The following KCNH4 variants were observed in gnomAD, a reference collection of about 807,000 sequenced individuals.
The protein encoded by KCNH4 is potassium voltage-gated channel subfamily H member 4.
A neutral mutation model predicts 90.7 loss-of-function variants in KCNH4; 33 were observed. That is an observed-to-expected ratio of 0.36 (90% CI 0.28 to 0.49). KCNH4 has a LOEUF of 0.49. KCNH4 is among the 20% of genes least tolerant of loss of function. The pLI is 0.98. For missense variants in KCNH4, 1,044 were observed against 1,387.1 expected, an observed-to-expected ratio of 0.75 and a Z score of 3.93; for synonymous variants, 551 against 581.7, an observed-to-expected ratio of 0.95 and a Z score of 0.76.
rs2079861688 is a variant in KCNH4, at chr17:42,176,359, G to A, written c.586-62C>T. The A allele has an allele frequency of 2.0e-6, 3 of 1,476,724 alleles. No homozygotes were observed. The African/African-American group carries it at 4.2e-5, about 20-fold the overall frequency. The allele number at this position is 1,476,724 out of a possible 1,614,324, so 91.5% of individuals were successfully genotyped here. A position where few individuals can be genotyped will look rare whatever the true frequency, so the allele number is the denominator to read the frequency against. On this transcript the variant is annotated intron_variant, in intron 4 of 16. Coordinates refer to ENST00000264661, the MANE Select transcript of KCNH4 (RefSeq NM_012285.3). ...GGAAAGAGGAGCCAAGATGGGGGGTGGGAAAGGCAGGGGATGGGGAAAGTT... is the reference window on the plus strand; with the variant it reads ...GGAAAGAGGAGCCAAGATGGGGGGTAGGAAAGGCAGGGGATGGGGAAAGTT...
intron 16 of KCNH4, among the ~76,000 whole-genome samples, chr17:42,158,530 CA>C (rs554370674): frequency 1.0e-3 from 100 of 100,020 alleles, no homozygotes; most frequent in Non-Finnish European, 8.8e-4. Context: ...GACTCCGTCT[CA>C]AAAAAAAAAA....
At chr17:42,162,924 C>T (rs541350359) in intron 14 of KCNH4, among the ~76,000 whole-genome samples, 26 of 152,234 alleles carry the variant, frequency 1.7e-4, no homozygotes, top group African/African-American at 6.3e-4. Flanking sequence ...CTTCAAGATC[C>T]CACCCACCCT....
Position 42,178,348 on chromosome 17 carries a change from C to A in KCNH4, c.440G>T (p.Arg147Leu), listed in dbSNP as rs140956512. The change falls in exon 3 of 17, where the codon CGC becomes CTC. Residue 147 changes from arginine to leucine, a missense_variant. Arg to Leu is a moderately radical substitution (Grantham distance 102). This residue lies in a region of KCNH4 where 283 missense variants were observed against 378.6 expected (regional missense o/e 0.75). Coordinates refer to ENST00000264661, the MANE Select transcript of KCNH4 (RefSeq NM_012285.3). ...GSPGLGPQGG[R>L]GDSNHENSLG... ...GCTGTTACCGTGATTACTGTCCCCGCGGCCTCCTTGGGGGCCAAGTCCTGG... is the reference window on the plus strand; with the variant it reads ...GCTGTTACCGTGATTACTGTCCCCGAGGCCTCCTTGGGGGCCAAGTCCTGG... 5.6e-6 allele frequency: 9 copies of A among 1,614,114 alleles called. No homozygotes were observed. The highest frequency in any genetic ancestry group is 1.6e-4 in the Middle Eastern group (1 of 6,084).
chr17:42,175,990 T>G, intron 5 of KCNH4, 64 bp downstream of exon 5: 1 of 1,532,646 alleles, frequency 6.5e-7, no homozygotes, highest in East Asian at 2.3e-5. Context: ...CAGGAGTGGG[T>G]GAGGCTTGGC....
chr17:42,169,985 G>A (rs1488398398), intron 8 of KCNH4, 122 bp downstream of exon 8: 12 of 1,036,954 alleles, frequency 1.2e-5, no homozygotes, highest in Middle Eastern at 3.1e-4. Flanking sequence ...GTGAATGAAT[G>A]CGTGACTGTC....
intron 5 of KCNH4, 24 bp from the exon 6 acceptor site, chr17:42,175,760 TG>T (rs760990464): frequency 1.2e-6 from 2 of 1,612,874 alleles, no homozygotes; most frequent in South Asian, 1.1e-5. Context: ...AGGCTATTAC[TG>T]GGGGGCCTTG....
intron 6 of KCNH4, 73 bp downstream of exon 6, chr17:42,175,506 G>T (rs1041459234): frequency 6.4e-7 from 1 of 1,551,526 alleles, no homozygotes; most frequent in Non-Finnish European, 8.9e-7. Flanking sequence ...TGGGTTTGGG[G>T]TCAGTCCCTT....
chr17:42,157,756 C>T (rs1330717089), intron 16 of KCNH4, among the ~76,000 whole-genome samples: 1 of 151,994 alleles, frequency 6.6e-6, no homozygotes, highest in Non-Finnish European at 1.5e-5. Context: ...CACAGGCACA[C>T]ACCACTACAC....
chr17:42,169,998 G>T (rs1349967671), intron 8 of KCNH4, 109 bp downstream of exon 8: 6 of 1,158,942 alleles, frequency 5.2e-6, no homozygotes, highest in Non-Finnish European at 7.2e-6. Flanking sequence ...TGACTGTCTG[G>T]ACTTGGGTAG....
At chr17:42,169,407 C>G in intron 9 of KCNH4, 70 bp downstream of exon 9, 1 of 1,400,704 alleles carries the variant, frequency 7.1e-7, no homozygotes, top group Admixed American at 1.7e-5. Context: ...ACAGGGGCAG[C>G]GACTCCTTCC....
At chr17:42,160,747 C>T (rs1002513268) in intron 15 of KCNH4, among the ~76,000 whole-genome samples, 10 of 152,128 alleles carry the variant, frequency 6.6e-5, no homozygotes, top group Non-Finnish European at 1.2e-4. Context: ...CAGCTGATCC[C>T]ATCACACAAG....
chr17:42,179,130 A>C lies in KCNH4; in HGVS notation c.77-104T>G, dbSNP rs1025620740. On this transcript the variant is annotated intron_variant, in intron 1 of 16. Coordinates refer to ENST00000264661, the MANE Select transcript of KCNH4 (RefSeq NM_012285.3). ...TGGGGTTAGAAGTCACAGAGCCAGA[A>C]GCTTCCCAGGTTTCCATGTTGCTCC... 16 of 757,876 alleles carry C rather than the reference A, an allele frequency of 2.1e-5. No homozygotes were observed. In the African/African-American group the frequency reaches 2.4e-4, roughly 12 times the overall value. 46.9% of individuals were successfully genotyped at this position (757,876 alleles called of 1,614,324 possible).
chr17:42,178,644 A>G (rs1056622787), intron 2 of KCNH4, 149 bp downstream of exon 2: 6 of 1,143,688 alleles, frequency 5.2e-6, no homozygotes, highest in Middle Eastern at 3.0e-4. Flanking sequence ...AAATGGGGGA[A>G]CCCAGGACCA....
rs367740742 is a variant in KCNH4, at chr17:42,165,656, C to G, written c.1878G>C (p.Pro626=). 6.2e-7 allele frequency: 1 copy of G among 1,614,064 alleles called. No individual in the cohort carries two copies. Among genetic ancestry groups the G allele is most frequent in the Non-Finnish European group, 8.5e-7 (1 of 1,180,032 alleles). The change falls in exon 11 of 17, where the codon CCG becomes CCC. Residue 626 remains proline, a synonymous_variant. Transcript: ENST00000264661. ...GDLIGADIPE[P]GQEPGLGADP... is the part of the protein sequence containing the mutation. ...CTGCTCCCAACCCAGGCTCCTGCCC[C>G]GGCTCAGGGATATCTGCTCCAATCA...
chr17:42,159,791 G>A lies in KCNH4; in HGVS notation c.*249C>T. On this transcript the variant is annotated 3_prime_UTR_variant, in exon 16 of 17. Transcript: ENST00000264661. Reference sequence around the variant, plus strand: ...TCTGCCCAGCCCAATGGGCACTGCGGTTCATCTCATGCCTGCTGGGTTCCA... The same window carrying A: ...TCTGCCCAGCCCAATGGGCACTGCGATTCATCTCATGCCTGCTGGGTTCCA... The A allele has an allele frequency of 2.6e-6, 1 of 378,022 alleles. No individual in the cohort carries two copies. The highest frequency in any genetic ancestry group is 4.7e-6 in the Non-Finnish European group (1 of 212,024). 23.4% of individuals were successfully genotyped at this position (378,022 alleles called of 1,614,324 possible). A position where few individuals can be genotyped will look rare whatever the true frequency, so the allele number is the denominator to read the frequency against.
Position 42,165,472 on chromosome 17 carries a change from G to C in KCNH4, c.2062C>G (p.Leu688Val). 1 of 1,614,206 alleles carries C rather than the reference G, an allele frequency of 6.2e-7. No individual in the cohort carries two copies. The highest frequency in any genetic ancestry group is 8.5e-7 in the Non-Finnish European group (1 of 1,180,022). Reference protein sequence around the residue: ...AGLPRDLTFNLRQGSDTSGLS... With the variant: ...AGLPRDLTFNVRQGSDTSGLS... ...ACACTGGTGTCAGAGCCCTGGCGCA[G>C]GTTGAAGGTGAGGTCCCGGGGCAGG... Residue 688 changes from leucine (L) to valine (V), a missense_variant, in exon 11 of 17, where the codon CTG (leucine) becomes GTG (valine). By Grantham distance (32) the Leu-to-Val change is conservative. Coordinates refer to ENST00000264661, the MANE Select transcript of KCNH4 (RefSeq NM_012285.3).
chr17:42,163,578 G>T lies in KCNH4; in HGVS notation c.2477+28C>A. The T allele has an allele frequency of 9.3e-7, 1 of 1,077,622 alleles. No homozygotes were observed. Among genetic ancestry groups the T allele is most frequent in the Non-Finnish European group, 1.4e-6 (1 of 737,262 alleles). The allele number at this position is 1,077,622 out of a possible 1,614,324, so 66.8% of individuals were successfully genotyped here. A position where few individuals can be genotyped will look rare whatever the true frequency, so the allele number is the denominator to read the frequency against. ...GGTTCTGGAAGCCAATAGGGGTTTTGGGAAAGCAGGGGAGGCTGGCGTCTC... is the reference window on the plus strand; with the variant it reads ...GGTTCTGGAAGCCAATAGGGGTTTTTGGAAAGCAGGGGAGGCTGGCGTCTC... On this transcript the variant is annotated intron_variant, in intron 13 of 16. Coordinates refer to ENST00000264661, the MANE Select transcript of KCNH4 (RefSeq NM_012285.3). This position sits in a 1 kb window ranked among gnomAD's most constrained non-coding sequence, Gnocchi z 5.4.
At chr17:42,161,721 G>A (rs556719575) in intron 15 of KCNH4, among the ~76,000 whole-genome samples, 2 of 152,198 alleles carry the variant, frequency 1.3e-5, no homozygotes, top group South Asian at 2.1e-4. Flanking sequence ...TGAGCCAGTC[G>A]GGGAGGAAGG....
chr17:42,160,920 C>CTTTTTTTTTT (rs57677761), intron 15 of KCNH4, among the ~76,000 whole-genome samples: 23 of 73,386 alleles, frequency 3.1e-4, no homozygotes, highest in African/African-American at 5.1e-4. Flanking sequence ...TTTTCTTTTT[C>CTTTTTTTTTT]TTTTTTTTTT....
Sources: allele counts gnomAD v4.1 joint callset (sites outside exome capture counted in the v4.1 genomes callset), GRCh38; gene constraint gnomAD v4.1.1; regional missense constraint gnomAD v4.1.1; non-coding constraint Gnocchi (gnomAD v3.1); transcripts MANE v1.5; gene names NCBI Gene and HGNC (gene_info 2026-07-23, HGNC 2026-07-21).